Variants in COL22A1 observed in about 807,000 individuals in gnomAD.
COL22A1 encodes the protein collagen type XXII alpha 1 chain.
A neutral mutation model predicts 248.9 loss-of-function variants in COL22A1; 221 were observed. The observed-to-expected ratio is 0.89, with a 90% confidence interval of 0.80 to 0.99. The LOEUF (loss-of-function observed/expected upper bound fraction) is 0.99, where lower values mean the gene tolerates loss of function less well. Ranked by LOEUF, COL22A1 falls within the 50% of genes least tolerant of loss-of-function variation. COL22A1 has a pLI of 0.00. For missense variants in COL22A1, 2,240 were observed against 2,179.0 expected (o/e 1.03, Z -0.56); for synonymous variants, 891 against 793.4 (o/e 1.12, Z -2.07).
Position 138,715,664 on chromosome 8 carries a change from A to G in COL22A1, c.2517+18T>C. 9 of 1,599,856 alleles carry G rather than the reference A, an allele frequency of 5.6e-6. No homozygotes were observed. Among genetic ancestry groups the G allele is most frequent in the Non-Finnish European group, 7.7e-6 (9 of 1,170,060 alleles). On this transcript the variant is annotated intron_variant, in intron 30 of 64. Transcript: ENST00000303045. ...CTAATAATAATTGATGGTCAGAATG[A>G]GAGCAAGTTTCTCCTACCTTTTCAC...
intron 7 of COL22A1, among the ~76,000 whole-genome samples, chr8:138,814,868 G>A (rs1234863772): frequency 1.3e-5 from 2 of 152,140 alleles, no homozygotes; most frequent in Non-Finnish European, 2.9e-5. Flanking sequence ...AATTCATCAG[G>A]CCCTCTTCTC....
intron 50 of COL22A1, among the ~76,000 whole-genome samples, chr8:138,627,897 C>G (rs1202394790): frequency 1.3e-5 from 2 of 152,028 alleles, no homozygotes; most frequent in African/African-American, 2.4e-5. Context: ...AAAAAAATAC[C>G]CTTTTTATAG....
chr8:138,738,611 C>T (rs755584749), intron 22 of COL22A1, among the ~76,000 whole-genome samples: 2 of 152,142 alleles, frequency 1.3e-5, no homozygotes, highest in African/African-American at 2.4e-5. Context: ...ATCCCATTGA[C>T]GAGTGTGCAA....
intron 2 of COL22A1, among the ~76,000 whole-genome samples, chr8:138,878,850 T>A (rs947566831): frequency 6.6e-6 from 1 of 151,870 alleles, no homozygotes; most frequent in Non-Finnish European, 1.5e-5. Flanking sequence ...TACTAAAAAA[T>A]ACAAAAAATT....
chr8:138,665,054 T>A (rs994484445), intron 41 of COL22A1, among the ~76,000 whole-genome samples: 2 of 152,138 alleles, frequency 1.3e-5, no homozygotes, highest in Admixed American at 1.3e-4. Flanking sequence ...CAGTATAGTG[T>A]CAGGGGTAAC....
At chr8:138,728,067 C>T (rs1377588535) in intron 23 of COL22A1, among the ~76,000 whole-genome samples, 1 of 152,164 alleles carries the variant, frequency 6.6e-6, no homozygotes, top group South Asian at 2.1e-4. Flanking sequence ...GGGTCTTGCT[C>T]TGTTGCCCAG....
chr8:138,667,554 T>C (rs566556535), intron 41 of COL22A1, among the ~76,000 whole-genome samples: 1 of 152,286 alleles, frequency 6.6e-6, no homozygotes, highest in Admixed American at 6.5e-5. Flanking sequence ...AGCATCTAAT[T>C]GGTCCTTTTT....
chr8:138,589,305 C>T lies in COL22A1; in HGVS notation c.4829G>A (p.Cys1610Tyr). ...GGCAGCAAGGCTGGCGAAGTAGGCA[C>T]ACTGGGAAGGGTCACATTGGCCTGG... ...GPPGQCDPSQ[C>Y]AYFASLAARP... Residue 1610 changes from cysteine to tyrosine, a missense_variant, in exon 65 of 65, where the codon TGT becomes TAT. Physicochemically the swap from Cys to Tyr is radical, Grantham distance 194. Transcript: ENST00000303045. 6.2e-7 allele frequency: 1 copy of T among 1,613,840 alleles called. No individual in the cohort carries two copies. Among genetic ancestry groups the T allele is most frequent in the Non-Finnish European group, 8.5e-7 (1 of 1,179,868 alleles).
At chr8:138,619,319 A>T (rs903600365) in intron 53 of COL22A1, 136 bp downstream of exon 53, 7 of 702,372 alleles carry the variant, frequency 1.0e-5, no homozygotes, top group Non-Finnish European at 1.5e-5. Flanking sequence ...GACCGCACAG[A>T]AGCACAGCCG....
chr8:138,629,448 C>A (rs1820528837), intron 50 of COL22A1, among the ~76,000 whole-genome samples: 1 of 152,210 alleles, frequency 6.6e-6, no homozygotes, highest in Non-Finnish European at 1.5e-5. Flanking sequence ...GCCACTGTGC[C>A]CGGCCCAGTA....
At chr8:138,794,021 A>G (rs1177109669) in intron 12 of COL22A1, among the ~76,000 whole-genome samples, 1 of 152,046 alleles carries the variant, frequency 6.6e-6, no homozygotes, top group African/African-American at 2.4e-5. Flanking sequence ...ATTTGGAGGA[A>G]TCCCCGGGTG....
At chr8:138,655,316 A>G (rs771963374) in intron 45 of COL22A1, among the ~76,000 whole-genome samples, 6 of 152,210 alleles carry the variant, frequency 3.9e-5, no homozygotes, top group Non-Finnish European at 8.8e-5. Context: ...AAGTATGTGT[A>G]AAGAAAGAGG....
chr8:138,706,259 C>T (rs1372321432), intron 30 of COL22A1, among the ~76,000 whole-genome samples: 1 of 152,130 alleles, frequency 6.6e-6, no homozygotes, highest in African/African-American at 2.4e-5. Flanking sequence ...ATATCTAGTA[C>T]TTGAACTCAG....
intron 50 of COL22A1, among the ~76,000 whole-genome samples, chr8:138,629,799 A>G (rs1820557680): frequency 2.0e-5 from 1 of 49,538 alleles, no homozygotes; most frequent in South Asian, 6.5e-4. Context: ...ACAGAACTCC[A>G]GAGATACCAG....
chr8:138,873,667 C>T (rs1048653374), intron 3 of COL22A1, among the ~76,000 whole-genome samples: 5 of 152,160 alleles, frequency 3.3e-5, no homozygotes, highest in Admixed American at 2.0e-4. Context: ...CTCTCGAGGA[C>T]AAAGAGGATG....
chr8:138,678,425 C>T (rs1825728032), intron 40 of COL22A1, among the ~76,000 whole-genome samples: 1 of 152,126 alleles, frequency 6.6e-6, no homozygotes, highest in Admixed American at 6.5e-5. Context: ...TCTCTGCCAG[C>T]AGTTCCCTCC....
intron 44 of COL22A1, among the ~76,000 whole-genome samples, chr8:138,656,788 C>CA (rs1373419453): frequency 1.3e-5 from 2 of 152,182 alleles, no homozygotes; most frequent in Non-Finnish European, 2.9e-5. Context: ...ACCCAGGCAG[C>CA]AGAGGCAAGG....
chr8:138,802,910 C>T lies in COL22A1; in HGVS notation c.1519G>A (p.Val507Ile). 6.2e-7 allele frequency: 1 copy of T among 1,614,036 alleles called. No homozygotes were observed. Among genetic ancestry groups the T allele is most frequent in the Non-Finnish European group, 8.5e-7 (1 of 1,179,878 alleles). Residue 507 changes from valine to isoleucine, a missense_variant, in exon 11 of 65, where the codon GTT (valine) becomes ATT (isoleucine). Transcript: ENST00000303045. ...PKGDIGAIGP[V>I]GAPGPKGEKG... is the part of the protein sequence containing the mutation. ...TCTCCCTTAGGTCCAGGAGCGCCAACCGGCCCAATGGCTCCTATGTCTCCC... is the reference window on the plus strand; with the variant it reads ...TCTCCCTTAGGTCCAGGAGCGCCAATCGGCCCAATGGCTCCTATGTCTCCC...
chr8:138,599,387 G>C (rs541954964), intron 60 of COL22A1, among the ~76,000 whole-genome samples: 75 of 152,290 alleles, frequency 4.9e-4, no homozygotes, highest in Admixed American at 1.2e-3. Flanking sequence ...GCTGAGGCAG[G>C]AGAATGGCGT....
Sources: allele counts gnomAD v4.1 joint callset (sites outside exome capture counted in the v4.1 genomes callset), GRCh38; gene constraint gnomAD v4.1.1; transcripts MANE v1.5; gene names NCBI Gene and HGNC (gene_info 2026-07-23, HGNC 2026-07-21).